The following RAB38 variants were observed in gnomAD, a reference collection of about 807,000 sequenced individuals.
RAB38 encodes ras-related protein Rab-38.
RAB38 carries 15 observed loss-of-function variants against 18.4 expected under a neutral mutation model. The observed-to-expected ratio is 0.82, with a 90% CI of 0.55 to 1.26. RAB38 has a LOEUF of 1.26. Ranked by LOEUF, RAB38 falls within the 50% of genes most tolerant of loss-of-function variation. RAB38 has a pLI of 0.00. For synonymous variants in RAB38, 101 were observed against 104.4 expected (o/e 0.97, Z 0.20); for missense variants, 294 against 267.4 (o/e 1.10, Z -0.69).
At chr11:87,919,066 C>A in the RAB38 span, among the ~76,000 whole-genome samples, 1 of 151,970 alleles carries the variant, frequency 6.6e-6, no homozygotes, top group African/African-American at 2.4e-5. Context: ...TAATGTCATT[C>A]TTCTGTGTGT....
chr11:87,936,187 T>G, the RAB38 span, among the ~76,000 whole-genome samples: 5 of 152,040 alleles, frequency 3.3e-5, no homozygotes, highest in Non-Finnish European at 7.4e-5. Context: ...GGATCGTGCT[T>G]TTGGTGTCAA....
the RAB38 span, among the ~76,000 whole-genome samples, chr11:87,976,118 A>C: frequency 1.4e-5 from 2 of 141,902 alleles, no homozygotes; most frequent in African/African-American, 5.0e-5. Context: ...GTGTGCGTGT[A>C]AATATATATA....
At chr11:88,090,291 G>A in the RAB38 span, among the ~76,000 whole-genome samples, 2 of 151,900 alleles carry the variant, frequency 1.3e-5, no homozygotes, top group South Asian at 2.1e-4. Context: ...AGTCAAATTC[G>A]AATGTGCTTC....
the RAB38 span, among the ~76,000 whole-genome samples, chr11:88,019,290 T>G: frequency 6.6e-6 from 1 of 152,170 alleles, no homozygotes; most frequent in Non-Finnish European, 1.5e-5. Context: ...ATCAAATATC[T>G]TAGAGTCATC....
At chr11:88,144,928 ATCCAC>A (rs935794943) in intron 2 of RAB38, among the ~76,000 whole-genome samples, 3 of 152,146 alleles carry the variant, frequency 2.0e-5, no homozygotes, top group African/African-American at 7.2e-5. Context: ...GCCACACCTG[ATCCAC>A]TCCATTATGT....
the RAB38 span, among the ~76,000 whole-genome samples, chr11:87,861,412 T>C: frequency 6.6e-6 from 1 of 151,876 alleles, no homozygotes; most frequent in African/African-American, 2.4e-5. Context: ...CAAAGACTTA[T>C]AATCAGGGAT....
the RAB38 span, among the ~76,000 whole-genome samples, chr11:88,045,671 C>A: frequency 6.6e-6 from 1 of 152,178 alleles, no homozygotes; most frequent in Non-Finnish European, 1.5e-5. Context: ...ATCGACGCTG[C>A]CTGATTGCCT....
chr11:87,808,743 G>A, the RAB38 span, among the ~76,000 whole-genome samples: 1 of 151,998 alleles, frequency 6.6e-6, no homozygotes, highest in South Asian at 2.1e-4. Flanking sequence ...TCAGTAAACT[G>A]TATATTTCAA....
At chr11:87,912,468 C>T in the RAB38 span, among the ~76,000 whole-genome samples, 39 of 151,860 alleles carry the variant, frequency 2.6e-4, no homozygotes, top group Non-Finnish European at 4.7e-4. Flanking sequence ...TCTAAGTGTC[C>T]AATGTATTGC....
At chr11:87,910,980 G>GT in the RAB38 span, among the ~76,000 whole-genome samples, 1 of 151,788 alleles carries the variant, frequency 6.6e-6, no homozygotes, top group East Asian at 1.9e-4. Context: ...TCAATATTTT[G>GT]TTTTTTTATT....
intron 1 of RAB38, among the ~76,000 whole-genome samples, chr11:88,157,604 C>T (rs1943141513): frequency 6.6e-6 from 1 of 152,072 alleles, no homozygotes; most frequent in African/African-American, 2.4e-5. Context: ...AAGCAAGTCT[C>T]AATCAATTCG....
chr11:88,112,109 C>T (rs918629664), downstream of RAB38, among the ~76,000 whole-genome samples: 7 of 152,194 alleles, frequency 4.6e-5, no homozygotes, highest in Non-Finnish European at 1.0e-4. Context: ...TATTATCCGG[C>T]CTTATCGCCA....
the RAB38 span, among the ~76,000 whole-genome samples, chr11:87,925,522 A>G: frequency 6.6e-6 from 1 of 152,076 alleles, no homozygotes; most frequent in African/African-American, 2.4e-5. Flanking sequence ...AGCTTTTGGC[A>G]TGGTTTGCAC....
chr11:87,822,456 C>A, the RAB38 span, among the ~76,000 whole-genome samples: 10 of 152,270 alleles, frequency 6.6e-5, no homozygotes, highest in African/African-American at 2.2e-4. Context: ...GGGTCTCTCA[C>A]AAGACTTCAA....
At chr11:88,010,647 C>CT in the RAB38 span, among the ~76,000 whole-genome samples, 1 of 152,050 alleles carries the variant, frequency 6.6e-6, no homozygotes, top group Admixed American at 6.5e-5. Flanking sequence ...GGGATGACTC[C>CT]TTATTTTGGT....
chr11:88,153,626 G>A lies in RAB38; in HGVS notation c.203-3671C>T, dbSNP rs562837599. Reference sequence around the variant, plus strand: ...AATATAAACATAAATGTAAGCACAAGTCTTCAGGTAGTTGCCATTCTGGCA... The same window carrying A: ...AATATAAACATAAATGTAAGCACAAATCTTCAGGTAGTTGCCATTCTGGCA... On this transcript the variant is annotated intron_variant, in intron 1 of 2. Transcript: ENST00000243662. 2.6e-5 allele frequency among the ~76,000 whole-genome samples: 4 copies of A among 152,308 alleles called. No individual in the cohort carries two copies. In the South Asian group the frequency reaches 8.3e-4, roughly 32 times the overall value.
chr11:87,922,807 A>T, the RAB38 span, among the ~76,000 whole-genome samples: 1 of 151,698 alleles, frequency 6.6e-6, no homozygotes, highest in African/African-American at 2.4e-5. Context: ...GATGGAAGCA[A>T]GAGTAAGGGA....
At chr11:87,973,274 CTACTA>C in the RAB38 span, among the ~76,000 whole-genome samples, 1 of 151,986 alleles carries the variant, frequency 6.6e-6, no homozygotes, top group Non-Finnish European at 1.5e-5. Context: ...AAATAAAAGA[CTACTA>C]TAATAATTAT....
the RAB38 span, among the ~76,000 whole-genome samples, chr11:87,897,000 T>C: frequency 6.6e-6 from 1 of 151,708 alleles, no homozygotes; most frequent in African/African-American, 2.4e-5. Flanking sequence ...CTAAAGCCAA[T>C]CTTACTGATC....
Sources: gnomAD v4.1 joint callset for allele counts (sites outside exome capture counted in the v4.1 genomes callset) on GRCh38, gnomAD v4.1.1 for gene constraint, MANE v1.5 for transcripts, NCBI Gene and HGNC (gene_info 2026-07-23, HGNC 2026-07-21) for gene names.